Variants in HS2ST1 observed in about 807,000 individuals in gnomAD.
HS2ST1 encodes 2-O-sulfotransferase.
HS2ST1 carries 18 observed loss-of-function variants against 42.9 expected under a neutral mutation model. The observed-to-expected ratio is 0.42, with a 90% CI of 0.29 to 0.62. HS2ST1 has a LOEUF of 0.62. Among genes scored for constraint, HS2ST1 ranks in the 20% least tolerant of loss-of-function variants. The pLI is 0.21. For synonymous variants in HS2ST1, 146 were observed against 152.9 expected (o/e 0.95, Z 0.33); for missense variants, 334 against 433.8 (o/e 0.77, Z 2.04).
At position 87,104,508 on chromosome 1, in the gene HS2ST1, C is replaced by G; in HGVS notation, c.883C>G (p.Leu295Val). 6.2e-7 allele frequency: 1 copy of G among 1,613,076 alleles called. No homozygotes were observed. The change falls in exon 7 of 7, where the codon CTC becomes GTC. Residue 295 changes from leucine (L) to valine (V), a missense_variant. By Grantham distance (32) the Leu-to-Val change is conservative. Transcript: ENST00000370550. Reference protein sequence around the residue: ...SHLRKTTEKKLPTKQTIAKLQ... With the variant: ...SHLRKTTEKKVPTKQTIAKLQ... ...TCTTAGGAAAACCACAGAGAAGAAACTCCCCACTAAACAAACCATTGCAAA... is the reference window on the plus strand; with the variant it reads ...TCTTAGGAAAACCACAGAGAAGAAAGTCCCCACTAAACAAACCATTGCAAA...
intron 2 of HS2ST1, among the ~76,000 whole-genome samples, chr1:87,073,974 A>G (rs1651479312): frequency 6.6e-6 from 1 of 152,322 alleles, no homozygotes; most frequent in South Asian, 2.1e-4. Context: ...AGTTACAATG[A>G]TATTTATCTG....
chr1:86,997,101 AT>A (rs1649123541), intron 1 of HS2ST1, among the ~76,000 whole-genome samples: 1 of 152,100 alleles, frequency 6.6e-6, no homozygotes, highest in Non-Finnish European at 1.5e-5. Context: ...CCTTGAGGGA[AT>A]TTTCTAATTC....
At chr1:86,981,412 A>G (rs892408110) in intron 1 of HS2ST1, among the ~76,000 whole-genome samples, 3 of 152,196 alleles carry the variant, frequency 2.0e-5, no homozygotes, top group Admixed American at 2.0e-4. Flanking sequence ...CCAAAAGTCC[A>G]AGTCCAAAGT....
intron 4 of HS2ST1, among the ~76,000 whole-genome samples, chr1:87,093,448 A>T (rs1251184141): frequency 6.6e-6 from 1 of 152,020 alleles, no homozygotes; most frequent in Non-Finnish European, 1.5e-5. Context: ...CACCTTTAAG[A>T]TCTAGCTCAA....
In HS2ST1 at chr1:87,101,162, T is replaced by G. The variant is rs541282232; in HGVS notation, c.687-2270T>G. ...GTGTGTGTGTGTGTTTTTTGTTTTT[T>G]TTTTTTTTTTTTTTTTTTTTTTTGA... On this transcript the variant is annotated intron_variant, in intron 5 of 6. Coordinates refer to ENST00000370550, the MANE Select transcript of HS2ST1 (RefSeq NM_012262.4). 8.6e-3 allele frequency among the ~76,000 whole-genome samples: 985 copies of G among 114,078 alleles called. 22 individuals carry two copies. The highest frequency in any genetic ancestry group is 0.032 in the African/African-American group (948 of 29,526). The allele number at this position is 114,078 out of a possible 152,430, so 74.8% of individuals were successfully genotyped here.
At position 87,104,548 on chromosome 1, in the gene HS2ST1, A is replaced by G. The variant is rs761772422; in HGVS notation, c.923A>G (p.Asp308Gly). ...KQTIAKLQQSDIWKMENEFYE... is the reference protein window; with the variant it reads ...KQTIAKLQQSGIWKMENEFYE... ...ACCATTGCAAAACTACAGCAATCTG[A>G]TATTTGGAAAATGGAGAATGAGTTC... Residue 308 changes from aspartate (D) to glycine (G), a missense_variant, in exon 7 of 7, where the codon GAT becomes GGT. Transcript: ENST00000370550. The G allele has an allele frequency of 6.2e-7, 1 of 1,613,532 alleles. No individual in the cohort carries two copies. The highest frequency in any genetic ancestry group is 1.1e-5 in the South Asian group (1 of 91,066).
At chr1:86,960,171 A>T (rs1647792688) in intron 1 of HS2ST1, among the ~76,000 whole-genome samples, 2 of 146,432 alleles carry the variant, frequency 1.4e-5, no homozygotes, top group African/African-American at 2.5e-5. Context: ...AAAAACGGTA[A>T]TTTTTTCCAC....
chr1:86,986,899 A>G (rs1648799706), intron 1 of HS2ST1, among the ~76,000 whole-genome samples: 1 of 152,056 alleles, frequency 6.6e-6, no homozygotes, highest in Non-Finnish European at 1.5e-5. Context: ...TTGTTATGAC[A>G]GTCATAGAAA....
chr1:86,916,456 A>G (rs1660160318), intron 1 of HS2ST1, among the ~76,000 whole-genome samples: 1 of 152,232 alleles, frequency 6.6e-6, no homozygotes, highest in Non-Finnish European at 1.5e-5. Flanking sequence ...ATTTTGGTAC[A>G]AGGCTTTGCA....
At chr1:86,984,631 T>G (rs1648701992) in intron 1 of HS2ST1, among the ~76,000 whole-genome samples, 1 of 152,156 alleles carries the variant, frequency 6.6e-6, no homozygotes, top group African/African-American at 2.4e-5. Flanking sequence ...GCGCCTGTAA[T>G]CCCAGCACTT....
intron 1 of HS2ST1, among the ~76,000 whole-genome samples, chr1:86,974,287 C>T (rs963114738): frequency 1.3e-5 from 2 of 152,052 alleles, no homozygotes; most frequent in South Asian, 2.1e-4. Context: ...ATCGATTATA[C>T]CTACATGATG....
chr1:86,959,090 A>G (rs1341676341), intron 1 of HS2ST1, among the ~76,000 whole-genome samples: 2 of 152,164 alleles, frequency 1.3e-5, no homozygotes, highest in Admixed American at 6.5e-5. Context: ...AAATTCCTCA[A>G]CTTGATAAAG....
At chr1:87,031,187 C>T (rs1020317580) in intron 1 of HS2ST1, among the ~76,000 whole-genome samples, 3 of 152,050 alleles carry the variant, frequency 2.0e-5, no homozygotes, top group Non-Finnish European at 4.4e-5. Context: ...GCAATCTGCC[C>T]GCCTCAGCCT....
chr1:87,088,791 A>T (rs2100647473), intron 3 of HS2ST1, among the ~76,000 whole-genome samples: 1 of 151,870 alleles, frequency 6.6e-6, no homozygotes, highest in East Asian at 1.9e-4. Flanking sequence ...CCCCTTTTTA[A>T]GACATAAATT....
intron 2 of HS2ST1, among the ~76,000 whole-genome samples, chr1:87,080,808 G>C (rs1036385006): frequency 1.3e-5 from 2 of 152,144 alleles, no homozygotes; most frequent in African/African-American, 4.8e-5. Flanking sequence ...GTTTGAATAT[G>C]GTGCTGCCCT....
intron 2 of HS2ST1, among the ~76,000 whole-genome samples, chr1:87,076,519 A>G (rs184556161): frequency 6.6e-6 from 1 of 152,278 alleles, no homozygotes; most frequent in East Asian, 1.9e-4. Context: ...TTTTTAAATA[A>G]AAAAGTTGAA....
chr1:87,082,975 C>T (rs1234327743), intron 2 of HS2ST1, among the ~76,000 whole-genome samples: 1 of 152,152 alleles, frequency 6.6e-6, no homozygotes, highest in Admixed American at 6.5e-5. Flanking sequence ...CCAAGTAAGG[C>T]ATATAACCAT....
At chr1:87,040,014 T>C (rs945208832) in intron 1 of HS2ST1, among the ~76,000 whole-genome samples, 12 of 152,302 alleles carry the variant, frequency 7.9e-5, no homozygotes, top group African/African-American at 2.9e-4. Context: ...CTTCTTACTA[T>C]ATTAGAAAAG....
chr1:86,914,683 A>C lies in HS2ST1; in HGVS notation c.-354A>C, dbSNP rs950970825. 3 of 227,492 alleles carry C rather than the reference A, an allele frequency of 1.3e-5. No homozygotes were observed. The highest frequency in any genetic ancestry group is 2.7e-5 in the African/African-American group (1 of 37,594). 14.1% of individuals were successfully genotyped at this position (227,492 alleles called of 1,614,324 possible). A position where few individuals can be genotyped will look rare whatever the true frequency, so the allele number is the denominator to read the frequency against. ...GCGCGCGGCCGCGAGCAAAGGAGGG[A>C]GGGAAGGAAGGAAGAGAGGGAGGCG... On this transcript the variant is annotated 5_prime_UTR_variant, in exon 1 of 7. Coordinates refer to ENST00000370550, the MANE Select transcript of HS2ST1 (RefSeq NM_012262.4).
Sources: allele counts gnomAD v4.1 joint callset (sites outside exome capture counted in the v4.1 genomes callset), GRCh38; gene constraint gnomAD v4.1.1; transcripts MANE v1.5; gene names NCBI Gene and HGNC (gene_info 2026-07-23, HGNC 2026-07-21).